FUCA2: variants seen among roughly 807,000 people sequenced by gnomAD.
FUCA2 encodes plasma alpha-L-fucosidase.
A neutral mutation model predicts 52.6 loss-of-function variants in FUCA2; 41 were observed. That is an observed-to-expected ratio of 0.78 (90% CI 0.61 to 1.01). FUCA2 has a LOEUF of 1.01. Ranked by LOEUF, FUCA2 falls within the 50% of genes least tolerant of loss-of-function variation. The pLI, the probability that FUCA2 is intolerant of heterozygous loss-of-function variation, is 0.00. For synonymous variants in FUCA2, 211 were observed against 217.3 expected (o/e 0.97, Z 0.26); for missense variants, 507 against 569.5 (o/e 0.89, Z 1.12).
rs78057275 is a variant in FUCA2, at chr6:143,504,864, A to G, written c.413-612T>C. On this transcript the variant is annotated intron_variant, in intron 2 of 6. Transcript: ENST00000002165. The surrounding 1 kb of genome is among the most constrained non-coding windows in gnomAD (Gnocchi z 4.4). ...TTATTTAACCAGAGGGGCAAAAAAA[A>G]ACCCCTACTATTCCCAATAGTTCTA... 1 of 137,976 alleles carries G rather than the reference A, an allele frequency of 7.2e-6. No homozygotes were observed. Among genetic ancestry groups the G allele is most frequent in the South Asian group, 2.1e-4 (1 of 4,674 alleles). The allele number at this position is 137,976 out of a possible 1,614,324, so 8.5% of individuals were successfully genotyped here.
At position 143,500,790 on chromosome 6, in the gene FUCA2, C is replaced by CAAGCCAGGGCTTGCTTTGAGAG. The variant is rs1780517760; in HGVS notation, c.1154+1141_1154+1142insCTCTCAAAGCAAGCCCTGGCTT. Among the ~76,000 whole-genome samples, 1 of 152,032 alleles carries CAAGCCAGGGCTTGCTTTGAGAG rather than the reference C, an allele frequency of 6.6e-6. No homozygotes were observed. Among genetic ancestry groups the CAAGCCAGGGCTTGCTTTGAGAG allele is most frequent in the African/African-American group, 2.4e-5 (1 of 41,368 alleles). ...TGAAGAGTAGTTCTGGGGACAGGGA[C>CAAGCCAGGGCTTGCTTTGAGAG]AGCAAGCCAGGGCTCTCTCAAAGGA... On this transcript the variant is annotated intron_variant, in intron 5 of 6. Coordinates refer to ENST00000002165, the MANE Select transcript of FUCA2 (RefSeq NM_032020.5). This position sits in a 1 kb window ranked among gnomAD's most constrained non-coding sequence, Gnocchi z 6.9.
Position 143,501,831 on chromosome 6 carries a change from A to G in FUCA2, c.1154+101T>C. The G allele has an allele frequency of 9.7e-7, 1 of 1,034,230 alleles. No individual in the cohort carries two copies. The highest frequency in any genetic ancestry group is 1.7e-5 in the South Asian group (1 of 57,524). 64.1% of individuals were successfully genotyped at this position (1,034,230 alleles called of 1,614,324 possible). On this transcript the variant is annotated intron_variant, in intron 5 of 6. Transcript: ENST00000002165. This position sits in a 1 kb window ranked among gnomAD's most constrained non-coding sequence, Gnocchi z 6.1. ...TGGAAAGTGCTTTGTATATGTAGGA[A>G]TTCATCCAATTTCTCTTTTTATCCT...
In FUCA2 at chr6:143,511,339, C is replaced by G. The variant is rs1640693636; in HGVS notation, c.224+72G>C. 3 of 1,423,260 alleles carry G rather than the reference C, an allele frequency of 2.1e-6. No homozygotes were observed. The highest frequency in any genetic ancestry group is 2.9e-6 in the Non-Finnish European group (3 of 1,050,840). The allele number at this position is 1,423,260 out of a possible 1,614,324, so 88.2% of individuals were successfully genotyped here. ...GCAGCACCAGGCGGCGAACCAGGCC[C>G]GCTGGGTGGTGGCTGGAGGCTGCGG... is the stretch of plus-strand genomic sequence containing the variant. On this transcript the variant is annotated intron_variant, in intron 1 of 6. Transcript: ENST00000002165. The surrounding 1 kb of genome is among the most constrained non-coding windows in gnomAD (Gnocchi z 6.3).
In FUCA2 at chr6:143,503,975, G is replaced by A. The variant is rs377166178; in HGVS notation, c.690C>T (p.Asp230=). 125 of 1,614,074 alleles carry A rather than the reference G, an allele frequency of 7.7e-5. No individual in the cohort carries two copies. The Middle Eastern group carries it at 1.2e-3, about 15-fold the overall frequency. ...YQPEVLWSDG[D]GGAPDQYWNS... is the part of the protein sequence containing the mutation. The stretch of plus-strand genomic sequence containing the variant: ...TCCAGTATTGATCCGGTGCTCCTCC[G>A]TCACCATCCGACCACAGAACCTCAG... Residue 230 remains aspartate, a synonymous_variant, in exon 3 of 7, where the codon GAC becomes GAT. Transcript: ENST00000002165. This position sits in a 1 kb window ranked among gnomAD's most constrained non-coding sequence, Gnocchi z 4.8.
rs905322018 is a variant in FUCA2, at chr6:143,494,951, A to G, written c.*756T>C. 2.5e-5 allele frequency: 2 copies of G among 79,666 alleles called. No homozygotes were observed. The highest frequency in any genetic ancestry group is 5.6e-5 in the African/African-American group (2 of 35,420). 4.9% of individuals were successfully genotyped at this position (79,666 alleles called of 1,614,324 possible). On this transcript the variant is annotated 3_prime_UTR_variant, in exon 7 of 7. Coordinates refer to ENST00000002165, the MANE Select transcript of FUCA2 (RefSeq NM_032020.5). The surrounding 1 kb of genome is among the most constrained non-coding windows in gnomAD (Gnocchi z 6.6). ...TGAAGAAAGAAAAACTTTTTTTTAT[A>G]AATGTAGTGTAGCCTAAGCATACAG...
rs748017791 is a variant in FUCA2, at chr6:143,504,172, G to T, written c.493C>A (p.Leu165Ile). 2 of 1,614,194 alleles carry T rather than the reference G, an allele frequency of 1.2e-6. No individual in the cohort carries two copies. The highest frequency in any genetic ancestry group is 3.3e-5 in the Admixed American group (2 of 60,010). ...EGPKRDIVKE[L>I]EVAIRNRTDL... ...GTTCTGTTCCTAATGGCTACCTCAA[G>T]TTCCTTGACAATGTCCCTCTTGGGC... Residue 165 changes from leucine to isoleucine, a missense_variant, in exon 3 of 7, where the codon CTT (leucine) becomes ATT (isoleucine). By Grantham distance (5) the Leu-to-Ile change is conservative. Transcript: ENST00000002165. The surrounding 1 kb of genome is among the most constrained non-coding windows in gnomAD (Gnocchi z 4.4).
chr6:143,504,318 C>A lies in FUCA2; in HGVS notation c.413-66G>T, dbSNP rs1019600203. 9 of 1,344,680 alleles carry A rather than the reference C, an allele frequency of 6.7e-6. No homozygotes were observed. In the African/African-American group the frequency reaches 1.2e-4, roughly 17 times the overall value. The allele number at this position is 1,344,680 out of a possible 1,614,324, so 83.3% of individuals were successfully genotyped here. ...TTATTTTAGTAAATTTCAACCCACA[C>A]AAATGCCCAAACAAATCACATAGTA... On this transcript the variant is annotated intron_variant, in intron 2 of 6. Transcript: ENST00000002165. The surrounding 1 kb of genome is among the most constrained non-coding windows in gnomAD (Gnocchi z 4.4).
chr6:143,504,095 G>A lies in FUCA2; in HGVS notation c.570C>T (p.Leu190=). Residue 190 remains leucine, a synonymous_variant, in exon 3 of 7, where the codon CTC becomes CTT. Transcript: ENST00000002165. This position sits in a 1 kb window ranked among gnomAD's most constrained non-coding sequence, Gnocchi z 4.4. Reference sequence around the variant, plus strand: ...ATGAACTGGATTCATCCTCAAGGAAGAGCGGATGAAACCATTCAAAAAGGG... The same window carrying A: ...ATGAACTGGATTCATCCTCAAGGAAAAGCGGATGAAACCATTCAAAAAGGG... ...YYSLFEWFHP[L]FLEDESSSFH... 2.5e-6 allele frequency: 4 copies of A among 1,614,164 alleles called. No homozygotes were observed. Among genetic ancestry groups the A allele is most frequent in the Non-Finnish European group, 3.4e-6 (4 of 1,180,024 alleles).
Position 143,497,419 on chromosome 6 carries a change from G to A in FUCA2, c.1233C>T (p.Gly411=). The change falls in exon 6 of 7, where the codon GGC becomes GGT. Residue 411 remains glycine, a synonymous_variant. Transcript: ENST00000002165. The surrounding 1 kb of genome is among the most constrained non-coding windows in gnomAD (Gnocchi z 5.3). ...KWPTSGQLFL[G]HPKAILGATE... The stretch of plus-strand genomic sequence containing the variant: ...TTGCCCCCAGAATAGCTTTGGGATG[G>A]CCAAGGAACAGCTGTCCTGATGTGG... The A allele has an allele frequency of 6.2e-7, 1 of 1,613,560 alleles. No homozygotes were observed. The highest frequency in any genetic ancestry group is 8.5e-7 in the Non-Finnish European group (1 of 1,179,534).
Position 143,495,737 on chromosome 6 carries a change from G to GCC in FUCA2, c.1372_1373dup (p.Trp459AlafsTer4). ...TCACATTAGTCAGGGCTAGAGCCCA[G>GCC]CCCCATTTACACGGCATCTGATGAA... On this transcript the variant is annotated frameshift_variant, in exon 7 of 7. Transcript: ENST00000002165. LOFTEE classifies it high-confidence loss of function. This position sits in a 1 kb window ranked among gnomAD's most constrained non-coding sequence, Gnocchi z 5.2. 1 of 1,614,020 alleles carries GCC rather than the reference G, an allele frequency of 6.2e-7. No homozygotes were observed.
rs112577697 is a variant in FUCA2, at chr6:143,509,136, G to C, written c.225-1712C>G. Among the ~76,000 whole-genome samples, 74 of 152,272 alleles carry C rather than the reference G, an allele frequency of 4.9e-4. No homozygotes were observed. The highest frequency in any genetic ancestry group is 1.7e-3 in the African/African-American group (70 of 41,554). On this transcript the variant is annotated intron_variant, in intron 1 of 6. Coordinates refer to ENST00000002165, the MANE Select transcript of FUCA2 (RefSeq NM_032020.5). The surrounding 1 kb of genome is among the most constrained non-coding windows in gnomAD (Gnocchi z 5.4). Reference sequence around the variant, plus strand: ...GCATCATCTAATTTGAACCTGCACTGTCCCCTACAGTCTAGACTTGAATTT... The same window carrying C: ...GCATCATCTAATTTGAACCTGCACTCTCCCCTACAGTCTAGACTTGAATTT...
Position 143,502,315 on chromosome 6 carries a change from A to C in FUCA2, c.963+40T>G. ...ATAATTCCTACATGACCACACTATT[A>C]AGAATATTATGTTAATAGCCACCAG... On this transcript the variant is annotated intron_variant, in intron 4 of 6. Coordinates refer to ENST00000002165, the MANE Select transcript of FUCA2 (RefSeq NM_032020.5). This position sits in a 1 kb window ranked among gnomAD's most constrained non-coding sequence, Gnocchi z 4.1. The C allele has an allele frequency of 6.3e-7, 1 of 1,575,380 alleles. No individual in the cohort carries two copies. Among genetic ancestry groups the C allele is most frequent in the Non-Finnish European group, 8.7e-7 (1 of 1,149,368 alleles).
At position 143,511,448 on chromosome 6, in the gene FUCA2, C is replaced by T. The variant is rs1308644025; in HGVS notation, c.187G>A (p.Val63Met). 6.2e-7 allele frequency: 1 copy of T among 1,611,782 alleles called. No homozygotes were observed. Among genetic ancestry groups the T allele is most frequent in the Non-Finnish European group, 8.5e-7 (1 of 1,179,020 alleles). The change falls in exon 1 of 7, where the codon GTG becomes ATG. Residue 63 changes from valine to methionine, a missense_variant. Physicochemically the swap from Val to Met is conservative, Grantham distance 21. Transcript: ENST00000002165. The surrounding 1 kb of genome is among the most constrained non-coding windows in gnomAD (Gnocchi z 6.3). ...CTACCGAAGCTGGGCACGGAAAACA[C>T]TCCCCAGTGGATGAAGATGCCGAAC... is the stretch of plus-strand genomic sequence containing the variant. ...AKFGIFIHWGVFSVPSFGSEW... is the reference protein window; with the variant it reads ...AKFGIFIHWGMFSVPSFGSEW...
chr6:143,497,529 A>C lies in FUCA2; in HGVS notation c.1155-32T>G. 5 of 1,157,738 alleles carry C rather than the reference A, an allele frequency of 4.3e-6. No individual in the cohort carries two copies. Among genetic ancestry groups the C allele is most frequent in the Non-Finnish European group, 6.5e-6 (5 of 773,972 alleles). 71.7% of individuals were successfully genotyped at this position (1,157,738 alleles called of 1,614,324 possible). A position where few individuals can be genotyped will look rare whatever the true frequency, so the allele number is the denominator to read the frequency against. On this transcript the variant is annotated intron_variant, in intron 5 of 6. Coordinates refer to ENST00000002165, the MANE Select transcript of FUCA2 (RefSeq NM_032020.5). This position sits in a 1 kb window ranked among gnomAD's most constrained non-coding sequence, Gnocchi z 5.3. Reference sequence around the variant, plus strand: ...AAAAGAAAAAAATAAAGAGCATAGTAGCAAGTTACATCCCATGTTTCTCAC... The same window carrying C: ...AAAAGAAAAAAATAAAGAGCATAGTCGCAAGTTACATCCCATGTTTCTCAC...
chr6:143,497,284 A>G lies in FUCA2; in HGVS notation c.1263+105T>C. On this transcript the variant is annotated intron_variant, in intron 6 of 6. Coordinates refer to ENST00000002165, the MANE Select transcript of FUCA2 (RefSeq NM_032020.5). This position sits in a 1 kb window ranked among gnomAD's most constrained non-coding sequence, Gnocchi z 5.3. Reference sequence around the variant, plus strand: ...CTGGAGCTCATTTACAATTCCTTTTATGAAGTATAAGTGAAACAGTTATAA... The same window carrying G: ...CTGGAGCTCATTTACAATTCCTTTTGTGAAGTATAAGTGAAACAGTTATAA... 2.7e-6 allele frequency: 2 copies of G among 741,860 alleles called. No individual in the cohort carries two copies. Among genetic ancestry groups the G allele is most frequent in the South Asian group, 1.6e-5 (1 of 63,404 alleles). 46.0% of individuals were successfully genotyped at this position (741,860 alleles called of 1,614,324 possible). A position where few individuals can be genotyped will look rare whatever the true frequency, so the allele number is the denominator to read the frequency against.
rs1011967197 is a variant in FUCA2, at chr6:143,510,187, T to C, written c.224+1224A>G. Among the ~76,000 whole-genome samples, 2 of 152,196 alleles carry C rather than the reference T, an allele frequency of 1.3e-5. No individual in the cohort carries two copies. Among genetic ancestry groups the C allele is most frequent in the Non-Finnish European group, 2.9e-5 (2 of 68,022 alleles). ...TAACAGAATGGAGGTGTAATTTTTC[T>C]ACCCCTAGAGTAGAGCATGGTACCA... On this transcript the variant is annotated intron_variant, in intron 1 of 6. Coordinates refer to ENST00000002165, the MANE Select transcript of FUCA2 (RefSeq NM_032020.5). This position sits in a 1 kb window ranked among gnomAD's most constrained non-coding sequence, Gnocchi z 4.4.
rs1348105525 is a variant in FUCA2, at chr6:143,502,040, A to G, written c.1046T>C (p.Phe349Ser). 6.2e-7 allele frequency: 1 copy of G among 1,613,838 alleles called. No homozygotes were observed. Among genetic ancestry groups the G allele is most frequent in the African/African-American group, 1.3e-5 (1 of 74,882 alleles). ...PTLDGTISVV[F>S]EERLRQMGSW... ...CCCCATTTGCCTCAGTCGCTCCTCA[A>G]AAACTACAGAAATGGTGCCATCTAG... The change falls in exon 5 of 7, where the codon TTT becomes TCT. Residue 349 changes from phenylalanine to serine, a missense_variant. Transcript: ENST00000002165. This position sits in a 1 kb window ranked among gnomAD's most constrained non-coding sequence, Gnocchi z 4.1.
chr6:143,495,755 C>G lies in FUCA2; in HGVS notation c.1356G>C (p.Gln452His). ...GAGCCCAGCCCCATTTACACGGCAT[C>G]TGATGAATGGTTAGCTGTGGCAGTT... ...MVELPQLTIHQMPCKWGWALA... is the reference protein window; with the variant it reads ...MVELPQLTIHHMPCKWGWALA... Residue 452 changes from glutamine (Q) to histidine (H), a missense_variant, in exon 7 of 7, where the codon CAG (glutamine) becomes CAC (histidine). Physicochemically the swap from Gln to His is conservative, Grantham distance 24 (BLOSUM62 0). Coordinates refer to ENST00000002165, the MANE Select transcript of FUCA2 (RefSeq NM_032020.5). The surrounding 1 kb of genome is among the most constrained non-coding windows in gnomAD (Gnocchi z 5.2). 1 of 1,614,108 alleles carries G rather than the reference C, an allele frequency of 6.2e-7. No homozygotes were observed. The highest frequency in any genetic ancestry group is 8.5e-7 in the Non-Finnish European group (1 of 1,179,986).
intron 1 of FUCA2, among the ~76,000 whole-genome samples, chr6:143,508,036 G>C (rs116948792): frequency 1.3e-5 from 2 of 152,058 alleles, no homozygotes; most frequent in African/African-American, 2.4e-5. Flanking sequence ...ATTGTCCCTT[G>C]TAACATAAGT....
Sources: gnomAD v4.1 joint callset for allele counts (sites outside exome capture counted in the v4.1 genomes callset) on GRCh38, gnomAD v4.1.1 for gene constraint, Gnocchi (gnomAD v3.1) non-coding constraint, MANE v1.5 for transcripts, NCBI Gene and HGNC (gene_info 2026-07-23, HGNC 2026-07-21) for gene names.